Variants in ERN2 observed in about 807,000 individuals in gnomAD.
ERN2 encodes the protein serine/threonine-protein kinase/endoribonuclease IRE2.
ERN2 carries 111 observed loss-of-function variants against 107.9 expected under a neutral mutation model. The ratio of observed to expected loss-of-function variants is 1.03; its 90% confidence interval spans 0.88 to 1.20. The LOEUF is 1.20. Ranked by LOEUF, ERN2 falls within the 50% of genes most tolerant of loss-of-function variation. The probability of loss-of-function intolerance (pLI) is 0.00; values close to 1 mark genes in which losing one functional copy is unlikely to be tolerated. For missense variants in ERN2, 1,225 were observed against 1,197.9 expected, an observed-to-expected ratio of 1.02 and a Z score of -0.33; for synonymous variants, 524 against 501.7, an observed-to-expected ratio of 1.04 and a Z score of -0.59.
intron 7 of ERN2, chr16:23,706,121 G>A: frequency 2.0e-6 from 1 of 507,580 alleles, no homozygotes. Context: ...TTAGGAGGTT[G>A]AGGGATTGGC....
At chr16:23,713,035 G>A (rs1344381025) in intron 1 of ERN2, 60 bp downstream of exon 1, 15 of 1,327,212 alleles carry the variant, frequency 1.1e-5, no homozygotes, top group South Asian at 1.5e-5. Context: ...CAAGTGCGAC[G>A]CCGCCCCCTG....
At position 23,700,942 on chromosome 16, in the gene ERN2, C is replaced by A; in HGVS notation, c.1359+17G>T. On this transcript the variant is annotated intron_variant, in intron 12 of 21. Coordinates refer to ENST00000256797, the MANE Select transcript of ERN2 (RefSeq NM_033266.4). ...CGTTCTCCCCAGATAGACCTGAGGT[C>A]AGGGCGGTGGGCCTACCTGCCTCAT... 6.2e-7 allele frequency: 1 copy of A among 1,611,462 alleles called. No individual in the cohort carries two copies. The highest frequency in any genetic ancestry group is 8.5e-7 in the Non-Finnish European group (1 of 1,178,816).
In ERN2 at chr16:23,705,099, T is replaced by C. The variant is rs747680622; in HGVS notation, c.638A>G (p.Asp213Gly). 6.2e-7 allele frequency: 1 copy of C among 1,613,826 alleles called. No homozygotes were observed. Among genetic ancestry groups the C allele is most frequent in the East Asian group, 2.2e-5 (1 of 44,864 alleles). The change falls in exon 8 of 22, where the codon GAC becomes GGC. Residue 213 changes from aspartate to glycine, a missense_variant. Physicochemically the swap from Asp to Gly is moderately conservative, Grantham distance 94 (BLOSUM62 -1). Transcript: ENST00000256797. ...CCACAGCACCGTCCCGCTTCCTGGG[T>C]CCACAGTGAGCAGCAGGCCCATCCC... ...SCGMGLLLTV[D>G]PGSGTVLWTQ...
rs777886584 is a variant in ERN2, at chr16:23,691,027, T to A, written c.2585A>T (p.Glu862Val). ...TGCCTGTCGCACCTCAACTGGGAGC[T>A]CCCTGTAGTGGTGCTTCTGTGGGTA... ...AVRNKKHHYRELPVEVRQALG... is the reference protein window; with the variant it reads ...AVRNKKHHYRVLPVEVRQALG... The change falls in exon 22 of 22, where the codon GAG (glutamate) becomes GTG (valine). Residue 862 changes from glutamate (E) to valine (V), a missense_variant. Physicochemically the swap from Glu to Val is moderately radical, Grantham distance 121. Transcript: ENST00000256797. 6.2e-7 allele frequency: 1 copy of A among 1,614,096 alleles called. No individual in the cohort carries two copies. The highest frequency in any genetic ancestry group is 8.5e-7 in the Non-Finnish European group (1 of 1,180,010).
In ERN2 at chr16:23,691,285, C is replaced by G; in HGVS notation, c.2500+17G>C. 6.2e-7 allele frequency: 1 copy of G among 1,611,788 alleles called. No homozygotes were observed. Among genetic ancestry groups the G allele is most frequent in the Non-Finnish European group, 8.5e-7 (1 of 1,179,312 alleles). On this transcript the variant is annotated intron_variant, in intron 20 of 21. Transcript: ENST00000256797. ...ACTCCCCTCCACCGCCCAGGCCCACCTGAGTATGGCCTCTACCTGTCTGCA... is the reference window on the plus strand; with the variant it reads ...ACTCCCCTCCACCGCCCAGGCCCACGTGAGTATGGCCTCTACCTGTCTGCA...
chr16:23,691,974 G>T lies in ERN2; in HGVS notation c.2365C>A (p.Gln789Lys), dbSNP rs370806210. ...GCTTTCCTTCTGACCTGGAAGAACT[G>T]GAGTTGCTTGGCTCTGCTCCAAAAG... ...PFFWSRAKQL[Q>K]FFQDVSDWLE... Residue 789 changes from glutamine to lysine, a missense_variant, in exon 19 of 22, where the codon CAG becomes AAG. Transcript: ENST00000256797. 1.2e-6 allele frequency: 2 copies of T among 1,612,854 alleles called. No homozygotes were observed.
chr16:23,695,158 G>C, intron 15 of ERN2, 40 bp from the exon 16 acceptor site: 1 of 1,613,402 alleles, frequency 6.2e-7, no homozygotes, highest in East Asian at 2.2e-5. Flanking sequence ...TCTCCAGCCC[G>C]GACCTTCCCA....
chr16:23,700,769 T>A, intron 12 of ERN2, 65 bp from the exon 13 acceptor site: 1 of 1,539,858 alleles, frequency 6.5e-7, no homozygotes, highest in Non-Finnish European at 8.8e-7. Context: ...GGGCCCAGTA[T>A]CTGTGACTGA....
chr16:23,712,940 G>A, intron 1 of ERN2, 155 bp downstream of exon 1: 1 of 579,892 alleles, frequency 1.7e-6, no homozygotes, highest in South Asian at 2.3e-5. Context: ...AACCCAGGAG[G>A]CTTTTACTCC....
intron 13 of ERN2, among the ~76,000 whole-genome samples, chr16:23,699,862 C>T (rs1000609481): frequency 1.3e-5 from 2 of 151,992 alleles, no homozygotes; most frequent in Non-Finnish European, 2.9e-5. Context: ...TTAATATTAC[C>T]TAAGTATTAT....
At position 23,692,021 on chromosome 16, in the gene ERN2, G is replaced by A. The variant is rs150014625; in HGVS notation, c.2318C>T (p.Pro773Leu). The change falls in exon 19 of 22, where the codon CCC becomes CTC. Residue 773 changes from proline to leucine, a missense_variant. Coordinates refer to ENST00000256797, the MANE Select transcript of ERN2 (RefSeq NM_033266.4). ...SPLPQPRPSA[P>L]QVLAHPFFWS... ...AAAGAAGGGGTGGGCCAGCACCTGG[G>A]GGGCAGAGGGGCGTGGCTGCGGCAG... 6.2e-7 allele frequency: 1 copy of A among 1,613,878 alleles called. No individual in the cohort carries two copies. Among genetic ancestry groups the A allele is most frequent in the Non-Finnish European group, 8.5e-7 (1 of 1,179,978 alleles).
chr16:23,695,825 C>G, intron 14 of ERN2, 69 bp downstream of exon 14: 1 of 1,214,878 alleles, frequency 8.2e-7, no homozygotes, highest in Non-Finnish European at 1.2e-6. Context: ...AAGAATGTCT[C>G]TCCAGGGGAC....
At chr16:23,703,762 T>C (rs1241593232) in intron 8 of ERN2, among the ~76,000 whole-genome samples, 1 of 152,214 alleles carries the variant, frequency 6.6e-6, no homozygotes, top group Non-Finnish European at 1.5e-5. Context: ...AATTCTATGC[T>C]CTCTCATCTC....
At position 23,701,056 on chromosome 16, in the gene ERN2, G is replaced by GA. The variant is rs1427704486; in HGVS notation, c.1261_1262insT (p.Thr421IlefsTer17). The GA allele has an allele frequency of 6.2e-7, 1 of 1,614,082 alleles. No homozygotes were observed. The highest frequency in any genetic ancestry group is 1.3e-5 in the African/African-American group (1 of 74,934). ...TCCCAGCCCCAAGTAAGAGTCTGGAGTTTTTTCTTCTGGATGCAGCTCGGA... is the reference window on the plus strand; with the variant it reads ...TCCCAGCCCCAAGTAAGAGTCTGGAGATTTTTTCTTCTGGATGCAGCTCGGA... On this transcript the variant is annotated frameshift_variant, in exon 12 of 22. Transcript: ENST00000256797. LOFTEE classifies it high-confidence loss of function.
chr16:23,690,977 C>T lies in ERN2; in HGVS notation c.2635G>A (p.Val879Ile), dbSNP rs375401457. 1.5e-5 allele frequency: 24 copies of T among 1,614,042 alleles called. No homozygotes were observed. The highest frequency in any genetic ancestry group is 3.3e-5 in the South Asian group (3 of 91,086). The change falls in exon 22 of 22, where the codon GTC becomes ATC. Residue 879 changes from valine to isoleucine, a missense_variant. Val to Ile is a conservative substitution (Grantham distance 29). Transcript: ENST00000256797. ...GGGAAGCGGTTTGTGAAGTACTGGA[C>T]GAAGCCATCAGGGACTTGGCCGAGT... ...QALGQVPDGF[V>I]QYFTNRFPRL...
In ERN2 at chr16:23,709,203, C is replaced by A. The variant is rs149032058; in HGVS notation, c.306+969G>T. 6 of 455,266 alleles carry A rather than the reference C, an allele frequency of 1.3e-5. 1 individual carries two copies. Among genetic ancestry groups the A allele is most frequent in the African/African-American group, 8.0e-5 (4 of 50,088 alleles). The allele number at this position is 455,266 out of a possible 1,614,324, so 28.2% of individuals were successfully genotyped here. ...TCCAGCTACTCAGGATACTGAGGTG[C>A]GAGGATTGCTTGAGGCCAGGAGTTC... is the stretch of plus-strand genomic sequence containing the variant. On this transcript the variant is annotated intron_variant, in intron 4 of 21. Transcript: ENST00000256797.
In ERN2 at chr16:23,695,011, G is replaced by T; in HGVS notation, c.1900+8C>A. ...ACAGGGAGCGGGAGGCAGGGGAAGT[G>T]CGGGTACCTATGTGTAAAGAGTGCA... On this transcript the variant is annotated splice_region_variant and intron_variant, in intron 16 of 21. Transcript: ENST00000256797. 1 of 1,613,108 alleles carries T rather than the reference G, an allele frequency of 6.2e-7. No homozygotes were observed. Among genetic ancestry groups the T allele is most frequent in the Non-Finnish European group, 8.5e-7 (1 of 1,179,396 alleles).
intron 8 of ERN2, among the ~76,000 whole-genome samples, chr16:23,703,451 C>T (rs1960174302): frequency 6.6e-6 from 1 of 152,186 alleles, no homozygotes; most frequent in Non-Finnish European, 1.5e-5. Context: ...TACACTCCAC[C>T]TATTTTCCTC....
At chr16:23,709,745 T>G (rs1327889652) in intron 4 of ERN2, 2 of 186,282 alleles carry the variant, frequency 1.1e-5, no homozygotes, top group African/African-American at 4.8e-5. Flanking sequence ...CACACATGCA[T>G]GAACAAGTTC....
Sources: gnomAD v4.1 joint callset for allele counts (sites outside exome capture counted in the v4.1 genomes callset) on GRCh38, gnomAD v4.1.1 for gene constraint, MANE v1.5 for transcripts, NCBI Gene and HGNC (gene_info 2026-07-23, HGNC 2026-07-21) for gene names.